VEGFC: variants seen among roughly 807,000 people sequenced by gnomAD.
VEGFC encodes the protein vascular endothelial growth factor C, also known as FLT4 ligand DHM.
In VEGFC, 12 loss-of-function variants were observed where a neutral mutation model predicts 46.1. The observed-to-expected ratio is 0.26, with a 90% CI of 0.17 to 0.42. VEGFC has a LOEUF of 0.42. Ranked by LOEUF, VEGFC falls within the 10% of genes least tolerant of loss-of-function variation. The probability of loss-of-function intolerance (pLI) is 1.00; values close to 1 mark genes in which losing one functional copy is unlikely to be tolerated. For missense variants in VEGFC, 488 were observed against 529.4 expected (o/e 0.92, Z 0.77); for synonymous variants, 232 against 195.5 (o/e 1.19, Z -1.56).
chr4:176,744,538 T>A (rs1415335007), intron 1 of VEGFC, among the ~76,000 whole-genome samples: 1 of 152,004 alleles, frequency 6.6e-6, no homozygotes, highest in Admixed American at 6.6e-5. Flanking sequence ...CCTGTTCCTG[T>A]ATAGCCTTAG....
At chr4:176,711,727 A>G in intron 3 of VEGFC, 77 bp from the exon 4 acceptor site, 1 of 1,457,528 alleles carries the variant, frequency 6.9e-7, no homozygotes, top group Non-Finnish European at 9.5e-7. Context: ...TTGGAGTCCG[A>G]AAAAGAGTGA....
intron 1 of VEGFC, among the ~76,000 whole-genome samples, chr4:176,788,612 G>T (rs2110957918): frequency 6.6e-6 from 1 of 152,214 alleles, no homozygotes; most frequent in South Asian, 2.1e-4. Flanking sequence ...CGATCACATG[G>T]CTGACTGGTC....
Position 176,729,638 on chromosome 4 carries a change from T to C in VEGFC, c.256A>G (p.Arg86Gly), listed in dbSNP as rs1266691048. Residue 86 changes from arginine (R) to glycine (G), a missense_variant, in exon 2 of 7, where the codon AGG (arginine) becomes GGG (glycine). Physicochemically the swap from Arg to Gly is moderately radical, Grantham distance 125. Transcript: ENST00000618562. ...CTGTTATGTTGCCAGCCTCCTTTCC[T>C]TAGCTGACACTTGTACATTTTCCAA... ...EYWKMYKCQLRKGGWQHNREQ... is the reference protein window; with the variant it reads ...EYWKMYKCQLGKGGWQHNREQ... 5.6e-6 allele frequency: 9 copies of C among 1,613,922 alleles called. No individual in the cohort carries two copies. Among genetic ancestry groups the C allele is most frequent in the Non-Finnish European group, 7.6e-6 (9 of 1,179,916 alleles).
At chr4:176,779,272 AT>A (rs1163803682) in intron 1 of VEGFC, among the ~76,000 whole-genome samples, 3 of 152,164 alleles carry the variant, frequency 2.0e-5, no homozygotes, top group Non-Finnish European at 4.4e-5. Context: ...AATATATAGT[AT>A]TTTTTATAGG....
chr4:176,786,424 C>T (rs182070281), intron 1 of VEGFC, among the ~76,000 whole-genome samples: 3 of 152,308 alleles, frequency 2.0e-5, no homozygotes, highest in African/African-American at 7.2e-5. Context: ...ACATCCCTCT[C>T]TCCCCCATTT....
intron 1 of VEGFC, among the ~76,000 whole-genome samples, chr4:176,788,642 C>T (rs1267907313): frequency 6.6e-6 from 1 of 152,158 alleles, no homozygotes; most frequent in Non-Finnish European, 1.5e-5. Flanking sequence ...TTCCATTGTC[C>T]AGCATCCAGA....
chr4:176,763,512 T>C (rs1246428400), intron 1 of VEGFC, among the ~76,000 whole-genome samples: 3 of 152,192 alleles, frequency 2.0e-5, no homozygotes, highest in Non-Finnish European at 4.4e-5. Context: ...GGAATACATA[T>C]ACATAAAACT....
At chr4:176,756,384 A>G (rs1326404671) in intron 1 of VEGFC, among the ~76,000 whole-genome samples, 1 of 152,048 alleles carries the variant, frequency 6.6e-6, no homozygotes, top group African/African-American at 2.4e-5. Flanking sequence ...AGTGTTGATG[A>G]CAATAAACTG....
intron 1 of VEGFC, among the ~76,000 whole-genome samples, chr4:176,738,698 G>A (rs538610693): frequency 3.2e-4 from 49 of 151,990 alleles, no homozygotes; most frequent in Admixed American, 7.2e-4. Flanking sequence ...AAAGATTGAC[G>A]AATGGGATCT....
At chr4:176,775,505 A>G (rs974128000) in intron 1 of VEGFC, among the ~76,000 whole-genome samples, 4 of 152,156 alleles carry the variant, frequency 2.6e-5, no homozygotes, top group Non-Finnish European at 5.9e-5. Context: ...CATTCCATTG[A>G]CTTTTGTAAT....
In VEGFC at chr4:176,729,670, G is replaced by C. The variant is rs184557768; in HGVS notation, c.224C>G (p.Pro75Arg). The C allele has an allele frequency of 2.2e-4, 351 of 1,613,438 alleles. 3 individuals carry two copies. In the African/African-American group the frequency reaches 3.9e-3, roughly 18 times the overall value. ...SVDELMTVLY[P>R]EYWKMYKCQL... is the part of the protein sequence containing the mutation. Reference sequence around the variant, plus strand: ...ACACTTGTACATTTTCCAATATTCTGGGTAGAGTACAGTCATGAGTTCATC... The same window carrying C: ...ACACTTGTACATTTTCCAATATTCTCGGTAGAGTACAGTCATGAGTTCATC... The change falls in exon 2 of 7, where the codon CCA (proline) becomes CGA (arginine). Residue 75 changes from proline (P) to arginine (R), a missense_variant. Transcript: ENST00000618562.
intron 1 of VEGFC, among the ~76,000 whole-genome samples, chr4:176,754,182 C>T (rs952396097): frequency 2.6e-5 from 4 of 151,360 alleles, no homozygotes; most frequent in African/African-American, 9.7e-5. Flanking sequence ...CAGTGACATA[C>T]GGACAGTGGA....
intron 1 of VEGFC, among the ~76,000 whole-genome samples, chr4:176,737,959 T>G (rs1735084633): frequency 6.6e-6 from 1 of 151,792 alleles, no homozygotes; most frequent in Non-Finnish European, 1.5e-5. Flanking sequence ...GAACAAACTG[T>G]CCTCTTGAAA....
At chr4:176,742,287 T>C (rs1468923187) in intron 1 of VEGFC, among the ~76,000 whole-genome samples, 1 of 152,066 alleles carries the variant, frequency 6.6e-6, no homozygotes, top group Non-Finnish European at 1.5e-5. Context: ...GGACGCATAG[T>C]ATTCCATGGT....
intron 1 of VEGFC, among the ~76,000 whole-genome samples, chr4:176,763,741 T>C (rs780170258): frequency 6.6e-6 from 1 of 152,192 alleles, no homozygotes; most frequent in African/African-American, 2.4e-5. Flanking sequence ...TCCATAAGGT[T>C]TCTGTATCAT....
At chr4:176,754,039 G>A (rs188620252) in intron 1 of VEGFC, among the ~76,000 whole-genome samples, 3 of 152,026 alleles carry the variant, frequency 2.0e-5, no homozygotes, top group Admixed American at 6.6e-5. Context: ...TATTCCAGAT[G>A]ATGAACATAA....
intron 1 of VEGFC, among the ~76,000 whole-genome samples, chr4:176,747,220 A>C (rs1735272359): frequency 6.6e-6 from 1 of 152,134 alleles, no homozygotes; most frequent in African/African-American, 2.4e-5. Flanking sequence ...TAATCAAGAT[A>C]AATGCAAATT....
At chr4:176,731,633 C>T (rs1043790160) in intron 1 of VEGFC, among the ~76,000 whole-genome samples, 1 of 151,826 alleles carries the variant, frequency 6.6e-6, no homozygotes, top group East Asian at 1.9e-4. Context: ...TCCTGGAACT[C>T]TCCACTACAA....
At chr4:176,709,586 G>A (rs1380792642) in intron 4 of VEGFC, among the ~76,000 whole-genome samples, 5 of 152,154 alleles carry the variant, frequency 3.3e-5, no homozygotes, top group Non-Finnish European at 7.4e-5. Context: ...ACAAGCCAGG[G>A]CCAGAATAGA....
Sources: allele counts gnomAD v4.1 joint callset (sites outside exome capture counted in the v4.1 genomes callset), GRCh38; gene constraint gnomAD v4.1.1; transcripts MANE v1.5; gene names NCBI Gene and HGNC (gene_info 2026-07-23, HGNC 2026-07-21).